The following LRP1B variants were observed in gnomAD, a reference collection of about 807,000 sequenced individuals.
LRP1B encodes LDL receptor related protein 1B.
Under a neutral mutation model 556.6 loss-of-function variants are expected in LRP1B, and 217 were observed. That is an observed-to-expected ratio of 0.39 (90% confidence interval 0.35 to 0.44). The LOEUF (loss-of-function observed/expected upper bound fraction) is 0.44, where lower values mean the gene tolerates loss of function less well. LRP1B is among the 20% of genes least tolerant of loss of function. LRP1B has a pLI of 1.00. For missense variants in LRP1B, 5,053 were observed against 5,620.8 expected (o/e 0.90, Z 3.23); for synonymous variants, 2,047 against 1,865.8 (o/e 1.10, Z -2.50).
chr2:141,046,109 G>A (rs983175554), intron 11 of LRP1B, among the ~76,000 whole-genome samples: 17 of 151,946 alleles, frequency 1.1e-4, no homozygotes, highest in Admixed American at 1.1e-3. Flanking sequence ...GGATTTTTTT[G>A]GAAATGTTGT....
intron 7 of LRP1B, among the ~76,000 whole-genome samples, chr2:141,113,710 C>T (rs968453678): frequency 6.6e-6 from 1 of 151,260 alleles, no homozygotes; most frequent in African/African-American, 2.4e-5. Context: ...AAATTCATGG[C>T]AGAAAAATTA....
intron 86 of LRP1B, among the ~76,000 whole-genome samples, chr2:140,254,294 T>TGCTCAA (rs1378580250): frequency 1.3e-5 from 2 of 152,188 alleles, no homozygotes; most frequent in Non-Finnish European, 2.9e-5. Context: ...GGAGGTGTTA[T>TGCTCAA]TACAAGGTTT....
chr2:141,561,340 G>C (rs1686140659), intron 2 of LRP1B, among the ~76,000 whole-genome samples: 1 of 151,642 alleles, frequency 6.6e-6, no homozygotes, highest in African/African-American at 2.4e-5. Flanking sequence ...TTCTCCAATA[G>C]ATTAATATTA....
At chr2:140,541,644 C>A in intron 44 of LRP1B, 135 bp downstream of exon 44, 2 of 678,948 alleles carry the variant, frequency 2.9e-6, no homozygotes, top group Non-Finnish European at 4.5e-6. Flanking sequence ...AAACAAAATC[C>A]ACAGTCATAG....
At chr2:141,908,655 T>C (rs1374066175) in intron 1 of LRP1B, among the ~76,000 whole-genome samples, 1 of 152,098 alleles carries the variant, frequency 6.6e-6, no homozygotes, top group Non-Finnish European at 1.5e-5. Context: ...ATTACATAAA[T>C]ATATATGAAT....
At chr2:140,755,988 C>G (rs1464987938) in intron 35 of LRP1B, among the ~76,000 whole-genome samples, 1 of 151,800 alleles carries the variant, frequency 6.6e-6, no homozygotes, top group Non-Finnish European at 1.5e-5. Flanking sequence ...TCTATTTAAA[C>G]TAATAAATTC....
intron 76 of LRP1B, among the ~76,000 whole-genome samples, 154 bp from the exon 77 acceptor site, chr2:140,351,192 CTTA>C (rs1299864977): frequency 6.6e-5 from 10 of 151,892 alleles, no homozygotes; most frequent in African/African-American, 2.4e-4. Flanking sequence ...GTCTTTATGG[CTTA>C]TTATTTCTGA....
At chr2:140,543,915 C>G (rs939441217) in intron 43 of LRP1B, among the ~76,000 whole-genome samples, 2 of 151,866 alleles carry the variant, frequency 1.3e-5, no homozygotes, top group Non-Finnish European at 2.9e-5. Context: ...TAGGAAATAA[C>G]TATTTACAAT....
At chr2:140,469,925 C>A (rs371133534) in intron 60 of LRP1B, among the ~76,000 whole-genome samples, 26 of 152,168 alleles carry the variant, frequency 1.7e-4, no homozygotes, top group African/African-American at 6.3e-4. Flanking sequence ...TGGCTTTAAC[C>A]GCACTTATTA....
chr2:140,523,238 C>T (rs2104958942), intron 49 of LRP1B, among the ~76,000 whole-genome samples: 1 of 152,104 alleles, frequency 6.6e-6, no homozygotes, highest in East Asian at 1.9e-4. Context: ...GTCGGTGCAA[C>T]ATATGCAAAT....
chr2:141,000,877 G>T, intron 15 of LRP1B, among the ~76,000 whole-genome samples: 1 of 150,140 alleles, frequency 6.7e-6, no homozygotes, highest in Non-Finnish European at 1.5e-5. Context: ...CTACAATGTT[G>T]ATTTTTTCAT....
chr2:141,092,777 CA>C (rs1486041682), intron 7 of LRP1B, among the ~76,000 whole-genome samples: 13 of 152,214 alleles, frequency 8.5e-5, no homozygotes, highest in Non-Finnish European at 1.3e-4. Flanking sequence ...TCAACTGTGA[CA>C]AATGTTCATG....
chr2:140,835,497 T>C (rs1691867733), intron 31 of LRP1B, among the ~76,000 whole-genome samples: 1 of 152,154 alleles, frequency 6.6e-6, no homozygotes, highest in Non-Finnish European at 1.5e-5. Context: ...TTCTATATAG[T>C]ATAAAAACTT....
intron 41 of LRP1B, among the ~76,000 whole-genome samples, chr2:140,700,019 T>G (rs1686574559): frequency 6.7e-6 from 1 of 149,166 alleles, no homozygotes; most frequent in Admixed American, 6.8e-5. Context: ...ATATTAAACC[T>G]TCCATGATTA....
intron 66 of LRP1B, among the ~76,000 whole-genome samples, chr2:140,430,773 T>G (rs1558877360): frequency 6.6e-6 from 1 of 152,200 alleles, no homozygotes; most frequent in Non-Finnish European, 1.5e-5. Context: ...ACATCTCATT[T>G]CCTTTCCATC....
chr2:140,809,804 C>T (rs1304162283), intron 32 of LRP1B, among the ~76,000 whole-genome samples: 1 of 152,144 alleles, frequency 6.6e-6, no homozygotes, highest in Non-Finnish European at 1.5e-5. Context: ...AAAATCTTGA[C>T]TGCCTTTCTT....
At chr2:140,754,491 T>TA (rs1688679736) in intron 35 of LRP1B, among the ~76,000 whole-genome samples, 1 of 152,126 alleles carries the variant, frequency 6.6e-6, no homozygotes, top group Non-Finnish European at 1.5e-5. Flanking sequence ...CTGACAACAA[T>TA]TATTGAGTTA....
At chr2:141,730,695 G>C (rs1378453048) in intron 2 of LRP1B, among the ~76,000 whole-genome samples, 1 of 152,072 alleles carries the variant, frequency 6.6e-6, no homozygotes, top group Non-Finnish European at 1.5e-5. Context: ...TCATTATTAA[G>C]GGTGATAAAA....
intron 3 of LRP1B, among the ~76,000 whole-genome samples, chr2:141,370,433 C>G (rs913490504): frequency 6.6e-6 from 1 of 152,082 alleles, no homozygotes; most frequent in Non-Finnish European, 1.5e-5. Context: ...GACTTCTTGG[C>G]CATTTGTTTG....
Sources: allele counts gnomAD v4.1 joint callset (sites outside exome capture counted in the v4.1 genomes callset), GRCh38; gene constraint gnomAD v4.1.1; transcripts MANE v1.5; gene names NCBI Gene and HGNC (gene_info 2026-07-23, HGNC 2026-07-21).